Variants in ESRRG observed in about 807,000 individuals in gnomAD.
ESRRG encodes estrogen related receptor gamma.
A neutral mutation model predicts 44.0 loss-of-function variants in ESRRG; 13 were observed. The observed-to-expected ratio is 0.30, with a 90% CI of 0.19 to 0.47. The LOEUF is 0.47. Among genes scored for constraint, ESRRG ranks in the 20% least tolerant of loss-of-function variants. ESRRG has a pLI of 1.00. For synonymous variants in ESRRG, 215 were observed against 214.6 expected (o/e 1.00, Z -0.02); for missense variants, 395 against 580.6 (o/e 0.68, Z 3.29).
rs1428620976 is a variant in ESRRG, at chr1:216,948,097, T to C, written c.-105-8424A>G. 2.0e-5 allele frequency among the ~76,000 whole-genome samples: 3 copies of C among 152,046 alleles called. No homozygotes were observed. The East Asian group carries it at 5.8e-4, about 29-fold the overall frequency. Reference sequence around the variant, plus strand: ...TTAGAAACTTTATGTGAAGGAAAAATTAACTTTTATTATGTTTGAACATCA... The same window carrying C: ...TTAGAAACTTTATGTGAAGGAAAAACTAACTTTTATTATGTTTGAACATCA... On this transcript the variant is annotated intron_variant, in intron 1 of 7. Transcript: ENST00000359162.
chr1:216,736,134 A>G (rs2152176631), intron 2 of ESRRG, among the ~76,000 whole-genome samples: 1 of 149,642 alleles, frequency 6.7e-6, no homozygotes, highest in East Asian at 2.0e-4. Flanking sequence ...TCTAGACCCT[A>G]TGATCCATCC....
At chr1:216,667,809 AT>A (rs1251242343) in intron 2 of ESRRG, among the ~76,000 whole-genome samples, 21 of 152,028 alleles carry the variant, frequency 1.4e-4, no homozygotes, top group African/African-American at 4.8e-4. Context: ...ATTACTTAAA[AT>A]AAATAAGGCT....
intron 2 of ESRRG, among the ~76,000 whole-genome samples, chr1:216,879,038 C>A (rs1321571135): frequency 6.6e-6 from 1 of 152,178 alleles, no homozygotes; most frequent in East Asian, 1.9e-4. Context: ...AGGCCAAAGA[C>A]TACATGTGAG....
At chr1:216,602,795 C>T (rs1283072195) in intron 3 of ESRRG, among the ~76,000 whole-genome samples, 1 of 152,162 alleles carries the variant, frequency 6.6e-6, no homozygotes, top group Non-Finnish European at 1.5e-5. Context: ...TCCACAAGCT[C>T]AATGTTCAGA....
chr1:216,818,632 G>C (rs1410189721), intron 2 of ESRRG, among the ~76,000 whole-genome samples: 1 of 151,900 alleles, frequency 6.6e-6, no homozygotes, highest in African/African-American at 2.4e-5. Context: ...TTAAGTTCCA[G>C]GGTACATGTG....
At chr1:217,003,156 CA>C (rs918716845) in intron 1 of ESRRG, among the ~76,000 whole-genome samples, 14 of 149,388 alleles carry the variant, frequency 9.4e-5, no homozygotes, top group African/African-American at 2.5e-4. Context: ...CAGGAAGTTG[CA>C]AAAAAAAATC....
At chr1:216,687,512 T>C (rs1056445550) in intron 1 of ESRRG, among the ~76,000 whole-genome samples, 1 of 152,158 alleles carries the variant, frequency 6.6e-6, no homozygotes, top group Admixed American at 6.5e-5. Flanking sequence ...TTCCTTGATA[T>C]GTCGGAAGCC....
chr1:217,011,590 C>G (rs188989387), intron 1 of ESRRG, among the ~76,000 whole-genome samples: 3 of 151,106 alleles, frequency 2.0e-5, no homozygotes, highest in Non-Finnish European at 4.4e-5. Context: ...CTTCACTCCT[C>G]GTTTCAGTAG....
intron 2 of ESRRG, among the ~76,000 whole-genome samples, chr1:216,928,757 T>G (rs1042029806): frequency 6.6e-6 from 1 of 152,170 alleles, no homozygotes; most frequent in Non-Finnish European, 1.5e-5. Context: ...CTACATACAG[T>G]GAATATTATT....
At chr1:216,852,154 T>C (rs1412689656) in intron 2 of ESRRG, among the ~76,000 whole-genome samples, 1 of 152,234 alleles carries the variant, frequency 6.6e-6, no homozygotes, top group Non-Finnish European at 1.5e-5. Flanking sequence ...GAAATACCCC[T>C]TTAAAAGTAT....
At chr1:216,523,490 GTTTTTTTTTTTGTTTTTT>G (rs2046709517) in intron 5 of ESRRG, among the ~76,000 whole-genome samples, 1 of 126,328 alleles carries the variant, frequency 7.9e-6, no homozygotes. Flanking sequence ...ATCAAGCACT[GTTTTTTTTTTTGTTTTTT>G]TTTTTTTTTA....
At position 216,556,226 on chromosome 1, in the gene ESRRG, GA is replaced by G. The variant is rs368108710; in HGVS notation, c.862+7992del. On this transcript the variant is annotated intron_variant, in intron 5 of 6. Coordinates refer to ENST00000408911, the MANE Select transcript of ESRRG (RefSeq NM_001438.4). The stretch of plus-strand genomic sequence containing the variant: ...CCATTAACAAAAAAGAAGAGTGCCA[GA>G]AAAAAAAAATATATGACCTGGGCCA... 4.0e-3 allele frequency among the ~76,000 whole-genome samples: 588 copies of G among 148,746 alleles called. 3 individuals carry two copies. The highest frequency in any genetic ancestry group is 6.5e-3 in the Non-Finnish European group (438 of 66,876).
At chr1:216,787,264 A>G (rs1176072405) in intron 2 of ESRRG, among the ~76,000 whole-genome samples, 1 of 151,992 alleles carries the variant, frequency 6.6e-6, no homozygotes, top group Admixed American at 6.6e-5. Flanking sequence ...GTCCTTGGCC[A>G]TCCCTATTCT....
At chr1:216,565,756 A>G (rs989705176) in intron 4 of ESRRG, among the ~76,000 whole-genome samples, 2 of 152,170 alleles carry the variant, frequency 1.3e-5, no homozygotes, top group African/African-American at 4.8e-5. Flanking sequence ...TGACTAGAAA[A>G]GAATTAAAAA....
At chr1:217,110,742 T>A (rs1350436154) in intron 1 of ESRRG, among the ~76,000 whole-genome samples, 1 of 152,092 alleles carries the variant, frequency 6.6e-6, no homozygotes, top group Non-Finnish European at 1.5e-5. Flanking sequence ...GCCCCCAGGA[T>A]CCAAACACAT....
At chr1:216,530,017 C>A (rs1236370617) in intron 5 of ESRRG, among the ~76,000 whole-genome samples, 2 of 145,530 alleles carry the variant, frequency 1.4e-5, no homozygotes, top group African/African-American at 5.1e-5. Flanking sequence ...GAGGCTGAGG[C>A]AGGAAAATCG....
At chr1:216,905,785 C>G (rs1347424456) in intron 2 of ESRRG, among the ~76,000 whole-genome samples, 1 of 152,098 alleles carries the variant, frequency 6.6e-6, no homozygotes, top group African/African-American at 2.4e-5. Context: ...ACTTTGTCAC[C>G]CAGGCTTGAG....
At chr1:217,037,484 A>G (rs968605924) in intron 1 of ESRRG, among the ~76,000 whole-genome samples, 4 of 152,188 alleles carry the variant, frequency 2.6e-5, no homozygotes, top group Admixed American at 1.3e-4. Flanking sequence ...CGCCGTCAGA[A>G]GAACAGCACG....
At chr1:216,679,009 G>A (rs1369582497) in intron 1 of ESRRG, among the ~76,000 whole-genome samples, 3 of 152,164 alleles carry the variant, frequency 2.0e-5, no homozygotes, top group Non-Finnish European at 2.9e-5. Flanking sequence ...CCAAGAAGGC[G>A]GTCTCAGGAG....
Sources: gnomAD v4.1 joint callset for allele counts (sites outside exome capture counted in the v4.1 genomes callset) on GRCh38, gnomAD v4.1.1 for gene constraint, MANE v1.5 for transcripts, NCBI Gene and HGNC (gene_info 2026-07-23, HGNC 2026-07-21) for gene names.